SPEM3: variants seen among roughly 807,000 people sequenced by gnomAD.
SPEM3 encodes the protein SPEM family member 3.
rs1181292710 is a variant in SPEM3, at chr17:7,432,355, G to A, written c.3184G>A (p.Ala1062Thr). Residue 1062 changes from alanine to threonine, a missense_variant, in exon 3 of 3, where the codon GCA becomes ACA. By Grantham distance (58) the Ala-to-Thr change is moderately conservative. Transcript: ENST00000636696. The surrounding 1 kb of genome is among the most constrained non-coding windows in gnomAD (Gnocchi z 4.1). ...TGAGAAGGCTGCTCAGAAGGAGGAC[G>A]CACAGCGGCACGTCCTCTGGGCTCG... ...VPEKAAQKED[A>T]QRHVLWARVQ... 1 of 398,682 alleles carries A rather than the reference G, an allele frequency of 2.5e-6. No homozygotes were observed. The allele number at this position is 398,682 out of a possible 1,614,324, so 24.7% of individuals were successfully genotyped here. A position where few individuals can be genotyped will look rare whatever the true frequency, so the allele number is the denominator to read the frequency against.
rs187643216 is a variant in SPEM3 at position 7,431,112 on chromosome 17, C to T, written c.1941C>T (p.Phe647=). The T allele has an allele frequency of 5.4e-4, 215 of 398,888 alleles. No homozygotes were observed. Among genetic ancestry groups the T allele is most frequent in the Non-Finnish European group, 1.1e-4 (25 of 226,274 alleles). 24.7% of individuals were successfully genotyped at this position (398,888 alleles called of 1,614,324 possible). Residue 647 remains phenylalanine, a synonymous_variant, in exon 3 of 3, where the codon TTC becomes TTT. Coordinates refer to ENST00000636696, the MANE Select transcript of SPEM3 (RefSeq NM_001364708.1). ...CCCAATTCCCCATCCCTTCCCTGTT[C>T]GCCACCATTTCCCAACCCCTGATCC... ...LTSQFPIPSL[F]ATISQPLIQP...
rs1567669517 is a variant in SPEM3, at chr17:7,430,668, A to G, written c.1497A>G (p.Gln499=). ...CTGGCATATCTGAGCAAACAAAGCA[A>G]TGCAGTGGGGATAGTGCCAAGCTTC... The part of the protein sequence containing the change: ...VSSGISEQTK[Q]CSGDSAKLPA... The change falls in exon 3 of 3, where the codon CAA becomes CAG. Residue 499 remains glutamine (Q), a synonymous_variant. Coordinates refer to ENST00000636696, the MANE Select transcript of SPEM3 (RefSeq NM_001364708.1). 2.5e-6 allele frequency: 1 copy of G among 398,540 alleles called. No homozygotes were observed. The highest frequency in any genetic ancestry group is 4.4e-6 in the Non-Finnish European group (1 of 226,124). The allele number at this position is 398,540 out of a possible 1,614,324, so 24.7% of individuals were successfully genotyped here.
chr17:7,432,784 G>A lies in SPEM3; in HGVS notation c.*22G>A, dbSNP rs555780807. 3.0e-5 allele frequency: 12 copies of A among 398,546 alleles called. No individual in the cohort carries two copies. In the East Asian group the frequency reaches 4.3e-4, roughly 14 times the overall value. The allele number at this position is 398,546 out of a possible 1,614,324, so 24.7% of individuals were successfully genotyped here. ...GTGATGAGAACCTTGGACAAAGAGG[G>A]GACAAAAGTGCATCAGGAATAAAGA... On this transcript the variant is annotated 3_prime_UTR_variant, in exon 3 of 3. Transcript: ENST00000636696. The surrounding 1 kb of genome is among the most constrained non-coding windows in gnomAD (Gnocchi z 4.1).
Position 7,430,638 on chromosome 17 carries a change from G to A in SPEM3, c.1467G>A (p.Val489=), listed in dbSNP as rs753687201. 1.8e-5 allele frequency: 7 copies of A among 398,590 alleles called. No individual in the cohort carries two copies. The highest frequency in any genetic ancestry group is 3.1e-5 in the Non-Finnish European group (7 of 226,160). 24.7% of individuals were successfully genotyped at this position (398,590 alleles called of 1,614,324 possible). ...GGCCCCAAGAGGGTCAGGACCTGGT[G>A]AGTTCTGGCATATCTGAGCAAACAA... The part of the protein sequence containing the change: ...LFRPQEGQDL[V]SSGISEQTKQ... Residue 489 remains valine (V), a synonymous_variant, in exon 3 of 3, where the codon GTG becomes GTA. Coordinates refer to ENST00000636696, the MANE Select transcript of SPEM3 (RefSeq NM_001364708.1).
rs963293689 is a variant in SPEM3 at position 7,430,531 on chromosome 17, C to T, written c.1360C>T (p.Arg454Cys). The T allele has an allele frequency of 4.3e-5, 17 of 398,800 alleles. No individual in the cohort carries two copies. The highest frequency in any genetic ancestry group is 6.6e-5 in the Non-Finnish European group (15 of 226,310). The allele number at this position is 398,800 out of a possible 1,614,324, so 24.7% of individuals were successfully genotyped here. The change falls in exon 3 of 3, where the codon CGC (arginine) becomes TGC (cysteine). Residue 454 changes from arginine to cysteine, a missense_variant. By Grantham distance (180) the Arg-to-Cys change is radical. Coordinates refer to ENST00000636696, the MANE Select transcript of SPEM3 (RefSeq NM_001364708.1). Reference sequence around the variant, plus strand: ...CACTGGCCATGTGGTCTATGATGCCCGCAGGGAAAAGCAGAATTTCTTCCA... The same window carrying T: ...CACTGGCCATGTGGTCTATGATGCCTGCAGGGAAAAGCAGAATTTCTTCCA... ...LSTGHVVYDA[R>C]REKQNFFHMS...
At position 7,430,367 on chromosome 17, in the gene SPEM3, CCT is replaced by C; in HGVS notation, c.1199_1200del (p.Ser400CysfsTer19). ...GCTCCAACACCAGCCCCTGTCCCAGCCTCTGCCCCCAGCCCTGCTCCAGCACT... is the reference window on the plus strand; with the variant it reads ...GCTCCAACACCAGCCCCTGTCCCAGCCTGCCCCCAGCCCTGCTCCAGCACT... On this transcript the variant is annotated frameshift_variant, in exon 3 of 3. Transcript: ENST00000636696. LOFTEE classifies it low-confidence loss of function (END_TRUNC). 2.4e-6 allele frequency: 1 copy of C among 417,256 alleles called. No homozygotes were observed. The highest frequency in any genetic ancestry group is 4.2e-6 in the Non-Finnish European group (1 of 237,460). 25.8% of individuals were successfully genotyped at this position (417,256 alleles called of 1,614,324 possible).
chr17:7,430,409 C>T lies in SPEM3; in HGVS notation c.1238C>T (p.Thr413Ile). Residue 413 changes from threonine (T) to isoleucine (I), a missense_variant, in exon 3 of 3, where the codon ACT (threonine) becomes ATT (isoleucine). Transcript: ENST00000636696. ...GCTCCAGCACTGGTCATGGCCCTGACTACCACTCCTGTCCCTGATCCTGTC... is the reference window on the plus strand; with the variant it reads ...GCTCCAGCACTGGTCATGGCCCTGATTACCACTCCTGTCCCTGATCCTGTC... ...SPAPALVMALTTTPVPDPVPA... is the reference protein window; with the variant it reads ...SPAPALVMALITTPVPDPVPA... 1 of 407,460 alleles carries T rather than the reference C, an allele frequency of 2.5e-6. No homozygotes were observed. Among genetic ancestry groups the T allele is most frequent in the Non-Finnish European group, 4.3e-6 (1 of 231,688 alleles). 25.2% of individuals were successfully genotyped at this position (407,460 alleles called of 1,614,324 possible). A position where few individuals can be genotyped will look rare whatever the true frequency, so the allele number is the denominator to read the frequency against.
rs887020653 is a variant in SPEM3 at position 7,431,344 on chromosome 17, T to C, written c.2173T>C (p.Phe725Leu). ...GLAPNQGLHE[F>L]PGLPQDSYLC... ...TGCTCCAAATCAAGGCCTACATGAG[T>C]TCCCAGGCCTTCCCCAAGATTCTTA... Residue 725 changes from phenylalanine to leucine, a missense_variant, in exon 3 of 3, where the codon TTC (phenylalanine) becomes CTC (leucine). Phe to Leu is a conservative substitution (Grantham distance 22). Coordinates refer to ENST00000636696, the MANE Select transcript of SPEM3 (RefSeq NM_001364708.1). 2.5e-6 allele frequency: 1 copy of C among 397,556 alleles called. No individual in the cohort carries two copies. Among genetic ancestry groups the C allele is most frequent in the Non-Finnish European group, 4.4e-6 (1 of 225,810 alleles). 24.6% of individuals were successfully genotyped at this position (397,556 alleles called of 1,614,324 possible).
At position 7,432,629 on chromosome 17, in the gene SPEM3, T is replaced by A; in HGVS notation, c.3458T>A (p.Val1153Glu). 2.5e-6 allele frequency: 1 copy of A among 398,640 alleles called. No homozygotes were observed. The highest frequency in any genetic ancestry group is 4.4e-6 in the Non-Finnish European group (1 of 226,064). 24.7% of individuals were successfully genotyped at this position (398,640 alleles called of 1,614,324 possible). Residue 1153 changes from valine (V) to glutamate (E), a missense_variant, in exon 3 of 3, where the codon GTG becomes GAG. Coordinates refer to ENST00000636696, the MANE Select transcript of SPEM3 (RefSeq NM_001364708.1). This position sits in a 1 kb window ranked among gnomAD's most constrained non-coding sequence, Gnocchi z 4.1. ...CPGPGTQAGH[V>E]VFDARQRRLA... ...GGACCAGGCACCCAGGCAGGGCATG[T>A]GGTTTTTGATGCCCGTCAGAGACGG... is the stretch of plus-strand genomic sequence containing the variant.
rs560265136 is a variant in SPEM3 at position 7,432,423 on chromosome 17, G to A, written c.3252G>A (p.Val1084=). 1.0e-5 allele frequency: 4 copies of A among 398,650 alleles called. No homozygotes were observed. Among genetic ancestry groups the A allele is most frequent in the African/African-American group, 6.2e-5 (3 of 48,760 alleles). 24.7% of individuals were successfully genotyped at this position (398,650 alleles called of 1,614,324 possible). ...NENSCPSKAQ[V]VSNDLQTFSE... is the part of the protein sequence containing the mutation. ...ACTCCTGCCCTTCCAAGGCCCAAGTGGTCTCCAATGACCTGCAGACCTTCT... is the reference window on the plus strand; with the variant it reads ...ACTCCTGCCCTTCCAAGGCCCAAGTAGTCTCCAATGACCTGCAGACCTTCT... Residue 1084 remains valine, a synonymous_variant, in exon 3 of 3, where the codon GTG becomes GTA. Transcript: ENST00000636696. The surrounding 1 kb of genome is among the most constrained non-coding windows in gnomAD (Gnocchi z 4.1).
Position 7,430,371 on chromosome 17 carries a change from T to C in SPEM3, c.1200T>C (p.Ser400=). The part of the protein sequence containing the change: ...LAPTPAPVPA[S]APSPAPALVM... ...CAACACCAGCCCCTGTCCCAGCCTCTGCCCCCAGCCCTGCTCCAGCACTGG... is the reference window on the plus strand; with the variant it reads ...CAACACCAGCCCCTGTCCCAGCCTCCGCCCCCAGCCCTGCTCCAGCACTGG... The change falls in exon 3 of 3, where the codon TCT becomes TCC. Residue 400 remains serine, a synonymous_variant. Transcript: ENST00000636696. 2.4e-6 allele frequency: 1 copy of C among 417,120 alleles called. No homozygotes were observed. Among genetic ancestry groups the C allele is most frequent in the Non-Finnish European group, 4.2e-6 (1 of 237,488 alleles). The allele number at this position is 417,120 out of a possible 1,614,324, so 25.8% of individuals were successfully genotyped here.
rs527532081 is a variant in SPEM3, at chr17:7,432,490, C to T, written c.3319C>T (p.Arg1107Trp). 4.8e-5 allele frequency: 19 copies of T among 398,586 alleles called. No individual in the cohort carries two copies. The highest frequency in any genetic ancestry group is 1.4e-4 in the African/African-American group (7 of 48,638). 24.7% of individuals were successfully genotyped at this position (398,586 alleles called of 1,614,324 possible). A position where few individuals can be genotyped will look rare whatever the true frequency, so the allele number is the denominator to read the frequency against. Residue 1107 changes from arginine to tryptophan, a missense_variant, in exon 3 of 3, where the codon CGG becomes TGG. By Grantham distance (101) the Arg-to-Trp change is moderately radical. Transcript: ENST00000636696. This position sits in a 1 kb window ranked among gnomAD's most constrained non-coding sequence, Gnocchi z 4.1. Reference sequence around the variant, plus strand: ...AATTGAGCTGCAGTCATCCTCCTGGCGGGCAGGCAGCCAGCACGGGGCGTA... The same window carrying T: ...AATTGAGCTGCAGTCATCCTCCTGGTGGGCAGGCAGCCAGCACGGGGCGTA... ...VLIELQSSSW[R>W]AGSQHGAYRP... is the part of the protein sequence containing the mutation.
At position 7,432,660 on chromosome 17, in the gene SPEM3, A is replaced by G. The variant is rs1216395079; in HGVS notation, c.3489A>G (p.Ala1163=). 3 of 398,574 alleles carry G rather than the reference A, an allele frequency of 7.5e-6. No individual in the cohort carries two copies. Among genetic ancestry groups the G allele is most frequent in the Non-Finnish European group, 1.3e-5 (3 of 226,096 alleles). 24.7% of individuals were successfully genotyped at this position (398,574 alleles called of 1,614,324 possible). A position where few individuals can be genotyped will look rare whatever the true frequency, so the allele number is the denominator to read the frequency against. Residue 1163 remains alanine (A), a synonymous_variant, in exon 3 of 3, where the codon GCA becomes GCG. Coordinates refer to ENST00000636696, the MANE Select transcript of SPEM3 (RefSeq NM_001364708.1). The surrounding 1 kb of genome is among the most constrained non-coding windows in gnomAD (Gnocchi z 4.1). ...VVFDARQRRL[A]VGKDKCEALS... is the part of the protein sequence containing the mutation. ...TTGATGCCCGTCAGAGACGGTTGGC[A>G]GTGGGCAAGGACAAGTGTGAAGCTC... is the stretch of plus-strand genomic sequence containing the variant.
rs1486680543 is a variant in SPEM3 at position 7,432,630 on chromosome 17, G to A, written c.3459G>A (p.Val1153=). Residue 1153 remains valine (V), a synonymous_variant, in exon 3 of 3, where the codon GTG becomes GTA. Transcript: ENST00000636696. The surrounding 1 kb of genome is among the most constrained non-coding windows in gnomAD (Gnocchi z 4.1). ...CPGPGTQAGH[V]VFDARQRRLA... is the part of the protein sequence containing the mutation. ...GACCAGGCACCCAGGCAGGGCATGT[G>A]GTTTTTGATGCCCGTCAGAGACGGT... The A allele has an allele frequency of 2.5e-6, 1 of 398,556 alleles. No individual in the cohort carries two copies. Among genetic ancestry groups the A allele is most frequent in the African/African-American group, 2.1e-5 (1 of 48,656 alleles). The allele number at this position is 398,556 out of a possible 1,614,324, so 24.7% of individuals were successfully genotyped here. A position where few individuals can be genotyped will look rare whatever the true frequency, so the allele number is the denominator to read the frequency against.
At position 7,429,134 on chromosome 17, in the gene SPEM3, T is replaced by C. The variant is rs1019331295; in HGVS notation, c.139-56T>C. The C allele has an allele frequency of 1.3e-5, 5 of 398,218 alleles. No homozygotes were observed. The Admixed American group carries it at 2.2e-4, about 18-fold the overall frequency. The allele number at this position is 398,218 out of a possible 1,614,324, so 24.7% of individuals were successfully genotyped here. On this transcript the variant is annotated intron_variant, in intron 1 of 2. Coordinates refer to ENST00000636696, the MANE Select transcript of SPEM3 (RefSeq NM_001364708.1). The surrounding 1 kb of genome is among the most constrained non-coding windows in gnomAD (Gnocchi z 4.9). ...CTGTTGGGGTGTGGCCAGATAAGAG[T>C]TGGACTTAGGGGCTCACCCTGCTTC...
Position 7,428,933 on chromosome 17 carries a change from G to A in SPEM3, c.31G>A (p.Val11Met), listed in dbSNP as rs531406983. ...TGAGCGAGCCTATCATGGGGCCCAG[G>A]TGTGCTCTGGCACCAACCCCAGGAA... MGERAYHGAQ[V>M]CSGTNPRKCQ... The change falls in exon 1 of 3, where the codon GTG (valine) becomes ATG (methionine). Residue 11 changes from valine (V) to methionine (M), a missense_variant. Transcript: ENST00000636696. 2.5e-5 allele frequency: 10 copies of A among 398,652 alleles called. No homozygotes were observed. The highest frequency in any genetic ancestry group is 4.4e-5 in the Non-Finnish European group (10 of 226,118). 24.7% of individuals were successfully genotyped at this position (398,652 alleles called of 1,614,324 possible).
At position 7,430,275 on chromosome 17, in the gene SPEM3, C is replaced by A; in HGVS notation, c.1104C>A (p.Ser368=). The part of the protein sequence containing the change: ...IPDHSHLVRS[S]VPVPTSAPAP... Reference sequence around the variant, plus strand: ...ACCACTCTCATCTAGTCCGCAGCTCCGTTCCTGTCCCAACCTCTGCCCCAG... The same window carrying A: ...ACCACTCTCATCTAGTCCGCAGCTCAGTTCCTGTCCCAACCTCTGCCCCAG... The change falls in exon 3 of 3, where the codon TCC becomes TCA. Residue 368 remains serine, a synonymous_variant. Coordinates refer to ENST00000636696, the MANE Select transcript of SPEM3 (RefSeq NM_001364708.1). 1 of 411,716 alleles carries A rather than the reference C, an allele frequency of 2.4e-6. No homozygotes were observed. Among genetic ancestry groups the A allele is most frequent in the Non-Finnish European group, 4.3e-6 (1 of 233,632 alleles). The allele number at this position is 411,716 out of a possible 1,614,324, so 25.5% of individuals were successfully genotyped here. A position where few individuals can be genotyped will look rare whatever the true frequency, so the allele number is the denominator to read the frequency against.
At position 7,430,824 on chromosome 17, in the gene SPEM3, G is replaced by T. The variant is rs1907808779; in HGVS notation, c.1653G>T (p.Lys551Asn). The T allele has an allele frequency of 2.5e-6, 1 of 398,442 alleles. No individual in the cohort carries two copies. 24.7% of individuals were successfully genotyped at this position (398,442 alleles called of 1,614,324 possible). ...GCTTCCATCCTTGCAGTTCTGAGAA[G>T]AACACAGACTCCCAGGCTCCATTCT... ...YCSFHPCSSE[K>N]NTDSQAPFYP... The change falls in exon 3 of 3, where the codon AAG becomes AAT. Residue 551 changes from lysine (K) to asparagine (N), a missense_variant. Transcript: ENST00000636696.
In SPEM3 at chr17:7,430,163, C is replaced by A; in HGVS notation, c.992C>A (p.Pro331Gln). ...HSPEHTSAHS[P>Q]AQAPMPVPAH... ...CCTGAACACACCTCAGCCCACTCCC[C>A]AGCCCAGGCTCCTATGCCTGTCCCA... The change falls in exon 3 of 3, where the codon CCA becomes CAA. Residue 331 changes from proline to glutamine, a missense_variant. Physicochemically the swap from Pro to Gln is moderately conservative, Grantham distance 76. Transcript: ENST00000636696. 1 of 418,658 alleles carries A rather than the reference C, an allele frequency of 2.4e-6. No homozygotes were observed. The highest frequency in any genetic ancestry group is 4.2e-6 in the Non-Finnish European group (1 of 238,060). The allele number at this position is 418,658 out of a possible 1,614,324, so 25.9% of individuals were successfully genotyped here. A position where few individuals can be genotyped will look rare whatever the true frequency, so the allele number is the denominator to read the frequency against.
Sources: gnomAD v4.1 joint callset for allele counts on GRCh38, gnomAD v4.1.1 for gene constraint, Gnocchi (gnomAD v3.1) non-coding constraint, MANE v1.5 for transcripts, NCBI Gene and HGNC (gene_info 2026-07-23, HGNC 2026-07-21) for gene names.